HMBOX1: variants seen among roughly 807,000 people sequenced by gnomAD.
The protein encoded by HMBOX1 is homeobox-containing protein 1.
HMBOX1 carries 14 observed loss-of-function variants against 54.5 expected under a neutral mutation model. The observed-to-expected ratio is 0.26, with a 90% confidence interval of 0.17 to 0.40. The LOEUF (loss-of-function observed/expected upper bound fraction) is 0.40. Ranked by LOEUF, HMBOX1 falls within the 10% of genes least tolerant of loss-of-function variation. The probability of loss-of-function intolerance (pLI) is 1.00; values close to 1 mark genes in which losing one functional copy is unlikely to be tolerated. For missense variants in HMBOX1, 332 were observed against 514.4 expected, an observed-to-expected ratio of 0.65 and a Z score of 3.43; for synonymous variants, 160 against 181.0, an observed-to-expected ratio of 0.88 and a Z score of 0.93.
rs10706846 is a variant in HMBOX1, at chr8:29,009,523, C to CT, written c.697+362dup. 7.2e-3 allele frequency: 3,408 copies of CT among 475,998 alleles called. 2 individuals carry two copies. Among genetic ancestry groups the CT allele is most frequent in the South Asian group, 0.011 (99 of 9,076 alleles). The allele number at this position is 475,998 out of a possible 1,614,324, so 29.5% of individuals were successfully genotyped here. A position where few individuals can be genotyped will look rare whatever the true frequency, so the allele number is the denominator to read the frequency against. ...CATAACTACGTAAGATTCCGTATCT[C>CT]TTTTTTTTTTTTTTTTTTTTTGCAA... On this transcript the variant is annotated intron_variant, in intron 5 of 9. Coordinates refer to ENST00000287701, the MANE Select transcript of HMBOX1 (RefSeq NM_001135726.3).
intron 1 of HMBOX1, among the ~76,000 whole-genome samples, chr8:28,919,040 A>G (rs1206306272): frequency 6.6e-6 from 1 of 152,238 alleles, no homozygotes. Flanking sequence ...GAAAACAGAG[A>G]GGAAAGTGAC....
At chr8:28,907,518 A>G (rs905545911) in intron 1 of HMBOX1, among the ~76,000 whole-genome samples, 1 of 152,204 alleles carries the variant, frequency 6.6e-6, no homozygotes, top group Non-Finnish European at 1.5e-5. Context: ...TCTCTATTAT[A>G]TAGTGTACAT....
rs757761489 is a variant in HMBOX1, at chr8:28,970,032, T to C, written c.24-11T>C. ...CAATAAAGAGACTTCTTTTTATCTC[T>C]TTTTTTTTAGTTTGCTGGAAACCAT... is the stretch of plus-strand genomic sequence containing the variant. On this transcript the variant is annotated splice_polypyrimidine_tract_variant and intron_variant, in intron 2 of 9. Transcript: ENST00000287701. This position sits in a 1 kb window ranked among gnomAD's most constrained non-coding sequence, Gnocchi z 4.3. 4 of 1,388,394 alleles carry C rather than the reference T, an allele frequency of 2.9e-6. No homozygotes were observed. In the East Asian group the frequency reaches 9.3e-5, roughly 32 times the overall value. 86.0% of individuals were successfully genotyped at this position (1,388,394 alleles called of 1,614,324 possible).
intron 6 of HMBOX1, among the ~76,000 whole-genome samples, chr8:29,043,421 C>T (rs1805131333): frequency 6.6e-6 from 1 of 152,246 alleles, no homozygotes; most frequent in African/African-American, 2.4e-5. Flanking sequence ...CATGCTGCCT[C>T]AGTGCTCTGT....
intron 7 of HMBOX1, 83 bp downstream of exon 7, chr8:29,045,526 C>A: frequency 9.4e-7 from 1 of 1,067,016 alleles, no homozygotes; most frequent in South Asian, 1.3e-5. Flanking sequence ...TAATCTTATG[C>A]GTGCCTTGGC....
Position 29,018,744 on chromosome 8 carries a change from G to A in HMBOX1, c.698-16G>A. ...AAACTGCAAGATATTTGCTAAAAGT[G>A]TCTTGTTTATTTCAGGCGCTACACT... On this transcript the variant is annotated splice_polypyrimidine_tract_variant and intron_variant, in intron 5 of 9. Coordinates refer to ENST00000287701, the MANE Select transcript of HMBOX1 (RefSeq NM_001135726.3). 1 of 1,607,480 alleles carries A rather than the reference G, an allele frequency of 6.2e-7. No homozygotes were observed. Among genetic ancestry groups the A allele is most frequent in the Non-Finnish European group, 8.5e-7 (1 of 1,175,586 alleles).
intron 9 of HMBOX1, 62 bp from the exon 10 acceptor site, chr8:29,050,956 C>G: frequency 1.3e-6 from 2 of 1,544,510 alleles, no homozygotes; most frequent in Non-Finnish European, 1.8e-6. Flanking sequence ...CCCAGCATGT[C>G]TCTCTGTGAC....
At chr8:28,996,296 G>A (rs553921222) in intron 4 of HMBOX1, among the ~76,000 whole-genome samples, 3 of 143,852 alleles carry the variant, frequency 2.1e-5, no homozygotes, top group South Asian at 4.7e-4. Context: ...ATAAGTTCAC[G>A]TAGACACACG....
At chr8:28,999,609 T>A (rs1181026412) in intron 4 of HMBOX1, among the ~76,000 whole-genome samples, 1 of 152,130 alleles carries the variant, frequency 6.6e-6, no homozygotes, top group Non-Finnish European at 1.5e-5. Context: ...ATAGATCATA[T>A]CCATTGACCT....
At chr8:28,923,957 G>C (rs990151587) in intron 1 of HMBOX1, among the ~76,000 whole-genome samples, 8 of 151,556 alleles carry the variant, frequency 5.3e-5, no homozygotes, top group African/African-American at 1.5e-4. Context: ...TTTTAATTAG[G>C]CTGTTTTTTT....
At chr8:29,026,968 G>A (rs941724113) in intron 6 of HMBOX1, among the ~76,000 whole-genome samples, 2 of 152,174 alleles carry the variant, frequency 1.3e-5, no homozygotes, top group Non-Finnish European at 2.9e-5. Flanking sequence ...GTAGGGGGTT[G>A]TGGGTTTATT....
chr8:29,044,773 C>T (rs1369967441), intron 6 of HMBOX1, among the ~76,000 whole-genome samples: 2 of 152,030 alleles, frequency 1.3e-5, no homozygotes, highest in Non-Finnish European at 2.9e-5. Context: ...CATAAACATC[C>T]CTCTGGGTCA....
intron 9 of HMBOX1, chr8:29,049,325 G>T: frequency 6.5e-7 from 1 of 1,534,552 alleles, no homozygotes; most frequent in Non-Finnish European, 8.7e-7. Context: ...AGGAGGAGGA[G>T]GGAAGAAGTT....
intron 5 of HMBOX1, among the ~76,000 whole-genome samples, chr8:29,016,789 C>G (rs772343638): frequency 1.3e-5 from 2 of 152,236 alleles, no homozygotes; most frequent in Non-Finnish European, 2.9e-5. Flanking sequence ...TGTCCTCACA[C>G]GGCAGCTAGT....
intron 1 of HMBOX1, among the ~76,000 whole-genome samples, chr8:28,913,471 G>A (rs1815876472): frequency 6.6e-6 from 1 of 151,948 alleles, no homozygotes; most frequent in African/African-American, 2.4e-5. Context: ...TCTCAACCCG[G>A]CAATGTCCAT....
rs183019552 is a variant in HMBOX1, at chr8:29,009,854, G to A, written c.697+672G>A. 8.2e-5 allele frequency: 98 copies of A among 1,196,738 alleles called. No individual in the cohort carries two copies. The East Asian group carries it at 4.5e-3, about 55-fold the overall frequency. The allele number at this position is 1,196,738 out of a possible 1,614,324, so 74.1% of individuals were successfully genotyped here. A position where few individuals can be genotyped will look rare whatever the true frequency, so the allele number is the denominator to read the frequency against. On this transcript the variant is annotated intron_variant, in intron 5 of 9. Transcript: ENST00000287701. ...TATAAAGTGAAATCTGAAGTTATGG[G>A]ACTATCTCAATCTATACTTTACACA...
intron 2 of HMBOX1, among the ~76,000 whole-genome samples, chr8:28,964,139 A>G (rs1241459509): frequency 6.6e-6 from 1 of 152,174 alleles, no homozygotes; most frequent in Non-Finnish European, 1.5e-5. Flanking sequence ...GAATTTTAAC[A>G]TTAATTTTAA....
rs1465557079 is a variant in HMBOX1, at chr8:28,928,320, C to A, written c.-57-35491C>A. ...GTCTAAGAGAGAAGAGAAAACCAATCAAAGCAGAAGCCCAGTAGTTAGTTG... is the reference window on the plus strand; with the variant it reads ...GTCTAAGAGAGAAGAGAAAACCAATAAAAGCAGAAGCCCAGTAGTTAGTTG... On this transcript the variant is annotated intron_variant, in intron 1 of 9. Coordinates refer to ENST00000287701, the MANE Select transcript of HMBOX1 (RefSeq NM_001135726.3). Among the ~76,000 whole-genome samples the A allele has an allele frequency of 3.9e-5, 6 of 152,230 alleles. No individual in the cohort carries two copies. In the South Asian group the frequency reaches 1.2e-3, roughly 32 times the overall value.
chr8:28,960,334 G>T (rs1339919543), intron 1 of HMBOX1, among the ~76,000 whole-genome samples: 2 of 147,828 alleles, frequency 1.4e-5, no homozygotes, highest in African/African-American at 5.3e-5. Flanking sequence ...TGATCCAAGG[G>T]TTATTTATGA....
Sources: gnomAD v4.1 joint callset for allele counts (sites outside exome capture counted in the v4.1 genomes callset) on GRCh38, gnomAD v4.1.1 for gene constraint, Gnocchi (gnomAD v3.1) non-coding constraint, MANE v1.5 for transcripts, NCBI Gene and HGNC (gene_info 2026-07-23, HGNC 2026-07-21) for gene names.